The following ANKFN1 variants were observed in gnomAD, a reference collection of about 807,000 sequenced individuals.
ANKFN1 encodes ankyrin repeat and fibronectin type-III domain-containing protein 1.
A neutral mutation model predicts 108.7 loss-of-function variants in ANKFN1; 74 were observed. The ratio of observed to expected loss-of-function variants is 0.68; its 90% CI spans 0.56 to 0.83. The LOEUF (loss-of-function observed/expected upper bound fraction) is 0.83, where lower values mean the gene tolerates loss of function less well. Among genes scored for constraint, ANKFN1 ranks in the 40% least tolerant of loss-of-function variants. The probability of loss-of-function intolerance (pLI) is 0.00; values close to 1 mark genes in which losing one functional copy is unlikely to be tolerated. For synonymous variants in ANKFN1, 547 were observed against 516.2 expected (o/e 1.06, Z -0.81); for missense variants, 1,505 against 1,382.3 (o/e 1.09, Z -1.41).
chr17:56,422,708 A>G (rs1218516157), intron 8 of ANKFN1, among the ~76,000 whole-genome samples: 1 of 152,230 alleles, frequency 6.6e-6, no homozygotes, highest in Non-Finnish European at 1.5e-5. Context: ...AACTTGAAAT[A>G]AATTATTGTG....
At chr17:56,055,566 C>CATATATATATATATATATAT (rs1355346286) in intron 4 of ANKFN1, among the ~76,000 whole-genome samples, 680 of 47,258 alleles carry the variant, frequency 0.014, 79 homozygotes, top group Non-Finnish European at 0.017. Context: ...GGTATATATA[C>CATATATATATATATATATAT]ATATATATAT....
At chr17:56,078,003 C>T (rs1005662854) in intron 4 of ANKFN1, among the ~76,000 whole-genome samples, 16 of 151,922 alleles carry the variant, frequency 1.1e-4, no homozygotes, top group South Asian at 4.2e-4. Context: ...GTTGGTATGC[C>T]GTGGAGATTC....
At chr17:56,419,730 G>T (rs530785936) in intron 8 of ANKFN1, among the ~76,000 whole-genome samples, 5 of 151,210 alleles carry the variant, frequency 3.3e-5, no homozygotes, top group Non-Finnish European at 7.4e-5. Flanking sequence ...TACTCAAGAC[G>T]GAGGATAGCT....
At chr17:56,348,549 C>T (rs916835714) in intron 4 of ANKFN1, among the ~76,000 whole-genome samples, 1 of 151,942 alleles carries the variant, frequency 6.6e-6, no homozygotes, top group Non-Finnish European at 1.5e-5. Flanking sequence ...GGAACTTGAA[C>T]AAATTTATAA....
At chr17:56,164,360 G>T (rs547139155) in intron 1 of ANKFN1, among the ~76,000 whole-genome samples, 1 of 152,210 alleles carries the variant, frequency 6.6e-6, no homozygotes, top group East Asian at 1.9e-4. Context: ...ACACGCCATA[G>T]TTCGCTGCCC....
At chr17:56,399,287 A>G (rs1206299973) in intron 8 of ANKFN1, among the ~76,000 whole-genome samples, 1 of 152,140 alleles carries the variant, frequency 6.6e-6, no homozygotes, top group Non-Finnish European at 1.5e-5. Context: ...ATCTTTTATA[A>G]CTACAAAAGG....
intron 3 of ANKFN1, among the ~76,000 whole-genome samples, chr17:56,305,495 T>C (rs1489946278): frequency 1.3e-5 from 2 of 152,220 alleles, no homozygotes; most frequent in Non-Finnish European, 2.9e-5. Flanking sequence ...CATTGGCATA[T>C]TTGGTTTTTA....
intron 15 of ANKFN1, among the ~76,000 whole-genome samples, chr17:56,467,779 GAAAGAAAGA>G (rs2050141032): frequency 1.1e-4 from 2 of 17,454 alleles, no homozygotes; most frequent in Non-Finnish European, 2.7e-4. Context: ...AAGAAAGAAA[GAAAGAAAGA>G]AAGAAGAAAG....
chr17:56,215,584 G>C (rs561374353), intron 2 of ANKFN1, among the ~76,000 whole-genome samples: 1 of 152,314 alleles, frequency 6.6e-6, no homozygotes, highest in African/African-American at 2.4e-5. Flanking sequence ...CCAAGCATAG[G>C]TTTTTCACTT....
At chr17:56,315,012 C>T (rs186465242) in intron 3 of ANKFN1, among the ~76,000 whole-genome samples, 195 of 152,240 alleles carry the variant, frequency 1.3e-3, no homozygotes, top group African/African-American at 4.3e-3. Context: ...CTGCCGAGCT[C>T]GAAATAAGCC....
intron 1 of ANKFN1, among the ~76,000 whole-genome samples, chr17:56,186,118 A>G (rs970673664): frequency 8.5e-5 from 13 of 152,158 alleles, no homozygotes; most frequent in African/African-American, 3.1e-4. Context: ...ATTTGTTTTT[A>G]CAAGGGTAAG....
intron 1 of ANKFN1, among the ~76,000 whole-genome samples, chr17:56,187,518 G>A (rs565326109): frequency 6.6e-6 from 1 of 152,218 alleles, no homozygotes; most frequent in East Asian, 1.9e-4. Flanking sequence ...CATTGTAGAA[G>A]ACAGTGTGGT....
chr17:56,441,141 A>G (rs1598614465), intron 9 of ANKFN1, among the ~76,000 whole-genome samples: 1 of 152,194 alleles, frequency 6.6e-6, no homozygotes, highest in South Asian at 2.1e-4. Flanking sequence ...TCCTCAAGCA[A>G]TTAAAATGCA....
chr17:56,368,478 C>T (rs527968390), intron 6 of ANKFN1, among the ~76,000 whole-genome samples: 2 of 151,514 alleles, frequency 1.3e-5, no homozygotes, highest in East Asian at 2.0e-4. Context: ...CAGGGTTTCA[C>T]CATATTGGTC....
At position 56,350,892 on chromosome 17, in the gene ANKFN1, A is replaced by G. The variant is rs757211915; in HGVS notation, c.315A>G (p.Lys105=). Reference sequence around the variant, plus strand: ...ACAGGAACCTCTCTGAGAAACTGAAAGGGAGCCACTCTTCCTTCGATGAGG... The same window carrying G: ...ACAGGAACCTCTCTGAGAAACTGAAGGGGAGCCACTCTTCCTTCGATGAGG... The part of the protein sequence containing the change: ...RLYRNLSEKL[K]GSHSSFDEAY... The change falls in exon 5 of 21, where the codon AAA becomes AAG. Residue 105 remains lysine, a synonymous_variant. Transcript: ENST00000682825. 1 of 1,613,754 alleles carries G rather than the reference A, an allele frequency of 6.2e-7. No individual in the cohort carries two copies. The highest frequency in any genetic ancestry group is 8.5e-7 in the Non-Finnish European group (1 of 1,179,912).
At chr17:56,199,476 C>G (rs1913848746) in intron 1 of ANKFN1, among the ~76,000 whole-genome samples, 1 of 152,084 alleles carries the variant, frequency 6.6e-6, no homozygotes, top group South Asian at 2.1e-4. Context: ...TTACATTGGC[C>G]TGAACTTCCA....
chr17:56,131,856 C>A (rs1004519887), intron 4 of ANKFN1, among the ~76,000 whole-genome samples: 1 of 152,158 alleles, frequency 6.6e-6, no homozygotes, highest in Non-Finnish European at 1.5e-5. Flanking sequence ...AACCCTGTCT[C>A]TAAGAACAAT....
intron 8 of ANKFN1, among the ~76,000 whole-genome samples, chr17:56,376,133 C>T (rs754201012): frequency 3.9e-5 from 6 of 152,182 alleles, no homozygotes; most frequent in Non-Finnish European, 7.3e-5. Context: ...GCTCTCTCTG[C>T]CCACAAACAT....
At chr17:56,149,804 C>T (rs932434509), upstream of ANKFN1, among the ~76,000 whole-genome samples, 5 of 152,228 alleles carry the variant, frequency 3.3e-5, no homozygotes, top group South Asian at 2.1e-4. Flanking sequence ...TTCTCCATGA[C>T]GACATCCCTC....
Sources: gnomAD v4.1 joint callset for allele counts (sites outside exome capture counted in the v4.1 genomes callset) on GRCh38, gnomAD v4.1.1 for gene constraint, MANE v1.5 for transcripts, NCBI Gene and HGNC (gene_info 2026-07-23, HGNC 2026-07-21) for gene names.